Variants in DHTKD1 observed in about 807,000 individuals in gnomAD.
DHTKD1 encodes 2-oxoadipate dehydrogenase complex component E1.
Under a neutral mutation model 101.8 loss-of-function variants are expected in DHTKD1, and 78 were observed. The ratio of observed to expected loss-of-function variants is 0.77; its 90% CI spans 0.64 to 0.93. The LOEUF is 0.93. DHTKD1 is among the 40% of genes least tolerant of loss of function. The probability of loss-of-function intolerance (pLI) is 0.00; values close to 1 mark genes in which losing one functional copy is unlikely to be tolerated. For missense variants in DHTKD1, 1,223 were observed against 1,161.7 expected (o/e 1.05, Z -0.77); for synonymous variants, 462 against 450.3 (o/e 1.03, Z -0.33).
chr10:12,081,331 A>T, intron 1 of DHTKD1, 141 bp from the exon 2 acceptor site: 1 of 650,140 alleles, frequency 1.5e-6, no homozygotes, highest in Admixed American at 2.7e-5. Context: ...TGGGCAATAG[A>T]GCAAGACCCT....
chr10:12,085,757 C>G (rs539219060), intron 3 of DHTKD1, among the ~76,000 whole-genome samples: 1 of 151,966 alleles, frequency 6.6e-6, no homozygotes, highest in Non-Finnish European at 1.5e-5. Flanking sequence ...TGTGGTGGAG[C>G]ATACCTGTGG....
At chr10:12,100,154 T>G (rs1032247067) in intron 8 of DHTKD1, 24 bp from the exon 9 acceptor site, 4 of 1,449,736 alleles carry the variant, frequency 2.8e-6, no homozygotes, top group Non-Finnish European at 3.8e-6. Context: ...ACGTTCCTTT[T>G]TTTTCTTCCT....
In DHTKD1 at chr10:12,107,935, G is replaced by A. The variant is rs1261522459; in HGVS notation, c.2074G>A (p.Gly692Ser). ...GGEAKWLLQS[G>S]IVILLPHGYD... Reference sequence around the variant, plus strand: ...AGAGGCCAAGTGGCTCCTACAAAGCGGCATCGTCATCCTCCTTCCACATGG... The same window carrying A: ...AGAGGCCAAGTGGCTCCTACAAAGCAGCATCGTCATCCTCCTTCCACATGG... Residue 692 changes from glycine (G) to serine (S), a missense_variant, in exon 12 of 17, where the codon GGC becomes AGC. Gly to Ser is a moderately conservative substitution (Grantham distance 56). Coordinates refer to ENST00000263035, the MANE Select transcript of DHTKD1 (RefSeq NM_018706.7). The surrounding 1 kb of genome is among the most constrained non-coding windows in gnomAD (Gnocchi z 4.1). The A allele has an allele frequency of 5.6e-6, 9 of 1,613,720 alleles. No individual in the cohort carries two copies. Among genetic ancestry groups the A allele is most frequent in the African/African-American group, 5.3e-5 (4 of 74,894 alleles).
chr10:12,101,505 G>T (rs1564395228), intron 10 of DHTKD1, among the ~76,000 whole-genome samples: 2 of 152,202 alleles, frequency 1.3e-5, no homozygotes, highest in Non-Finnish European at 2.9e-5. Context: ...GGATAAGTCA[G>T]TATTCCTTGC....
chr10:12,078,788 T>G (rs1246246036), intron 1 of DHTKD1, among the ~76,000 whole-genome samples: 1 of 152,060 alleles, frequency 6.6e-6, no homozygotes, highest in Admixed American at 6.6e-5. Flanking sequence ...CCAGCGATTC[T>G]CCTGCCTCAG....
chr10:12,090,167 A>G (rs949535653), intron 5 of DHTKD1, among the ~76,000 whole-genome samples: 1 of 152,170 alleles, frequency 6.6e-6, no homozygotes, highest in African/African-American at 2.4e-5. Context: ...CTTTAACTAC[A>G]GGAGATCATG....
At chr10:12,104,469 C>T (rs1380952257) in intron 10 of DHTKD1, among the ~76,000 whole-genome samples, 3 of 152,190 alleles carry the variant, frequency 2.0e-5, no homozygotes, top group African/African-American at 7.2e-5. Flanking sequence ...CCACCACACT[C>T]TGCCCGTCCT....
At chr10:12,119,524 G>A (rs1322126897) in intron 15 of DHTKD1, among the ~76,000 whole-genome samples, 9 of 144,228 alleles carry the variant, frequency 6.2e-5, no homozygotes, top group East Asian at 2.1e-4. Context: ...GCTGACGCAG[G>A]AGAATGGCGT....
chr10:12,092,162 T>C (rs1228941718), intron 6 of DHTKD1, among the ~76,000 whole-genome samples: 1 of 152,006 alleles, frequency 6.6e-6, no homozygotes, highest in Non-Finnish European at 1.5e-5. Flanking sequence ...TTTTGTATTT[T>C]TAGTAGAGAC....
At chr10:12,069,298 G>A (rs1438684970) in intron 1 of DHTKD1, 111 bp downstream of exon 1, 3 of 954,710 alleles carry the variant, frequency 3.1e-6, no homozygotes, top group Non-Finnish European at 4.5e-6. Context: ...GCCTGAACGC[G>A]CGGCCGGTGG....
At chr10:12,114,390 G>A (rs955354877) in intron 13 of DHTKD1, among the ~76,000 whole-genome samples, 6 of 151,410 alleles carry the variant, frequency 4.0e-5, no homozygotes, top group African/African-American at 1.2e-4. Flanking sequence ...TCCAACTCCC[G>A]GGTTCAAGCG....
chr10:12,083,639 C>A (rs1406373573), intron 2 of DHTKD1, among the ~76,000 whole-genome samples: 1 of 151,696 alleles, frequency 6.6e-6, no homozygotes, highest in Non-Finnish European at 1.5e-5. Flanking sequence ...GAGGCTGAGG[C>A]AGGAGAATCA....
At position 12,121,043 on chromosome 10, in the gene DHTKD1, A is replaced by C. The variant is rs1371049258; in HGVS notation, c.*155A>C. 4 of 532,540 alleles carry C rather than the reference A, an allele frequency of 7.5e-6. No homozygotes were observed. The highest frequency in any genetic ancestry group is 1.4e-5 in the Non-Finnish European group (4 of 295,372). 33.0% of individuals were successfully genotyped at this position (532,540 alleles called of 1,614,324 possible). ...GAGACCAGCCTGGCCAACACGGTGA[A>C]ACCCCGCCTCTACTAAAAATACAAA... On this transcript the variant is annotated 3_prime_UTR_variant, in exon 17 of 17. Coordinates refer to ENST00000263035, the MANE Select transcript of DHTKD1 (RefSeq NM_018706.7).
At position 12,106,336 on chromosome 10, in the gene DHTKD1, G is replaced by A. The variant is rs763451071; in HGVS notation, c.1987G>A (p.Ala663Thr). 6.2e-6 allele frequency: 10 copies of A among 1,614,174 alleles called. No homozygotes were observed. The highest frequency in any genetic ancestry group is 5.5e-5 in the South Asian group (5 of 91,086). Residue 663 changes from alanine (A) to threonine (T), a missense_variant, in exon 11 of 17, where the codon GCA becomes ACA. Physicochemically the swap from Ala to Thr is moderately conservative, Grantham distance 58. Transcript: ENST00000263035. ...ESPKLLPLWE[A>T]QFGDFFNGAQ... ...CCCAAAGTTACTGCCCCTGTGGGAG[G>A]CACAGTTTGGCGATTTCTTCAATGG...
intron 12 of DHTKD1, among the ~76,000 whole-genome samples, chr10:12,112,492 G>A (rs1031990932): frequency 2.9e-5 from 2 of 68,288 alleles, no homozygotes; most frequent in Non-Finnish European, 5.5e-5. Flanking sequence ...TTGTCTTAAA[G>A]CACGCGTGCA....
At chr10:12,085,555 T>C (rs1832884324) in intron 3 of DHTKD1, among the ~76,000 whole-genome samples, 1 of 152,128 alleles carries the variant, frequency 6.6e-6, no homozygotes, top group Admixed American at 6.6e-5. Context: ...CTACTCACTC[T>C]ATAAAAGACC....
chr10:12,095,570 T>C (rs976258103), intron 7 of DHTKD1, among the ~76,000 whole-genome samples: 1 of 151,726 alleles, frequency 6.6e-6, no homozygotes, highest in African/African-American at 2.4e-5. Context: ...TCCCAGCACT[T>C]TGGGAGGCCG....
intron 5 of DHTKD1, among the ~76,000 whole-genome samples, chr10:12,091,071 G>A (rs1329419736): frequency 6.6e-6 from 1 of 151,808 alleles, no homozygotes; most frequent in Non-Finnish European, 1.5e-5. Flanking sequence ...AACAAAAAAA[G>A]ATTGACTTCT....
chr10:12,112,994 G>T lies in DHTKD1; in HGVS notation c.2249G>T (p.Arg750Met). 6.2e-7 allele frequency: 1 copy of T among 1,613,848 alleles called. No homozygotes were observed. The highest frequency in any genetic ancestry group is 8.5e-7 in the Non-Finnish European group (1 of 1,179,908). ...CCTGCACAGTATTTCCACTTGCTTA[G>T]GAGACAGATGGTCCGGAACTTCAGA... ...TTPAQYFHLL[R>M]RQMVRNFRKP... The change falls in exon 13 of 17, where the codon AGG (arginine) becomes ATG (methionine). Residue 750 changes from arginine (R) to methionine (M), a missense_variant. By Grantham distance (91) the Arg-to-Met change is moderately conservative. Coordinates refer to ENST00000263035, the MANE Select transcript of DHTKD1 (RefSeq NM_018706.7).
Sources: gnomAD v4.1 joint callset for allele counts (sites outside exome capture counted in the v4.1 genomes callset) on GRCh38, gnomAD v4.1.1 for gene constraint, Gnocchi (gnomAD v3.1) non-coding constraint, MANE v1.5 for transcripts, NCBI Gene and HGNC (gene_info 2026-07-23, HGNC 2026-07-21) for gene names.